The following SELP variants were observed in gnomAD, a reference collection of about 807,000 sequenced individuals.
SELP encodes P-selectin.
Under a neutral mutation model 104.1 loss-of-function variants are expected in SELP, and 92 were observed. The ratio of observed to expected loss-of-function variants is 0.88; its 90% confidence interval spans 0.75 to 1.05. The LOEUF (loss-of-function observed/expected upper bound fraction) is 1.05, where lower values mean the gene tolerates loss of function less well. Among genes scored for constraint, SELP ranks in the 50% least tolerant of loss-of-function variants. The pLI is 0.00. For missense variants in SELP, 1,022 were observed against 1,017.3 expected, an observed-to-expected ratio of 1.00 and a Z score of -0.06; for synonymous variants, 397 against 364.5, an observed-to-expected ratio of 1.09 and a Z score of -1.01.
intron 3 of SELP, among the ~76,000 whole-genome samples, chr1:169,614,428 A>G (rs1662710124): frequency 6.6e-6 from 1 of 152,178 alleles, no homozygotes; most frequent in Admixed American, 6.5e-5. Context: ...CAGAATAGAG[A>G]AGGGCCATGG....
rs1661581341 is a variant in SELP at position 169,595,925 on chromosome 1, C to T, written c.2101G>A (p.Ala701Thr). 5 of 1,613,108 alleles carry T rather than the reference C, an allele frequency of 3.1e-6. No individual in the cohort carries two copies. In the South Asian group the frequency reaches 4.4e-5, roughly 14 times the overall value. ...AACTGCCTGCTCCTTTTCACCTTACCTCTGCATGCTGGAGTTACTGCTGTC... is the reference window on the plus strand; with the variant it reads ...AACTGCCTGCTCCTTTTCACCTTACTTCTGCATGCTGGAGTTACTGCTGTC... ...QWTAVTPACR[A>T]VKCSELHVNK... The change falls in exon 12 of 17, where the codon GCT becomes ACT. Residue 701 changes from alanine to threonine, a missense_variant and splice_region_variant. Physicochemically the swap from Ala to Thr is moderately conservative, Grantham distance 58. Transcript: ENST00000263686.
At chr1:169,615,973 C>G (rs1469615226) in intron 3 of SELP, among the ~76,000 whole-genome samples, 2 of 152,124 alleles carry the variant, frequency 1.3e-5, no homozygotes, top group Non-Finnish European at 2.9e-5. Flanking sequence ...CAGTCCATAC[C>G]ATCCTTAGGC....
At chr1:169,613,458 G>A in intron 4 of SELP, 128 bp downstream of exon 4, 1 of 712,390 alleles carries the variant, frequency 1.4e-6, no homozygotes, top group Non-Finnish European at 2.5e-6. Flanking sequence ...CTGAGTGGAG[G>A]AGACAGATGA....
chr1:169,622,278 G>A lies in SELP; in HGVS notation c.4-3059C>T, dbSNP rs944107400. On this transcript the variant is annotated intron_variant, in intron 1 of 16. Transcript: ENST00000263686. ...TTTATTTCCTTTCATCAGCTTTGAG[G>A]GAGCACCCGATTAAGTTGTCAAGTC... Among the ~76,000 whole-genome samples the A allele has an allele frequency of 7.9e-5, 12 of 152,212 alleles. No homozygotes were observed. The South Asian group carries it at 2.5e-3, about 32-fold the overall frequency.
chr1:169,600,276 C>G (rs1318143912), intron 10 of SELP, among the ~76,000 whole-genome samples: 6 of 152,138 alleles, frequency 3.9e-5, no homozygotes, highest in Admixed American at 1.3e-4. Context: ...CTTGAATTTG[C>G]CATGTGCTGA....
chr1:169,597,188 A>G lies in SELP; in HGVS notation c.1706-12T>C, dbSNP rs1263264924. On this transcript the variant is annotated splice_polypyrimidine_tract_variant and intron_variant, in intron 10 of 16. Transcript: ENST00000263686. ...TGGGCACTTGATGGCTAGAGTATCAAATTAAGAGTGTCACAATCTCCAAGT... is the reference window on the plus strand; with the variant it reads ...TGGGCACTTGATGGCTAGAGTATCAGATTAAGAGTGTCACAATCTCCAAGT... The G allele has an allele frequency of 7.7e-6, 12 of 1,564,868 alleles. No homozygotes were observed. In the Admixed American group the frequency reaches 2.2e-4, roughly 29 times the overall value.
At position 169,591,458 on chromosome 1, in the gene SELP, TA is replaced by T. The variant is rs781665497; in HGVS notation, c.2408-3del. ...GATTCAAGGGGCATTTCCCATCATC[TA>T]AAATCAGCAAGAAGACAAGAATGAA... On this transcript the variant is annotated splice_region_variant and splice_polypyrimidine_tract_variant and intron_variant, in intron 14 of 16. Transcript: ENST00000263686. 2 of 1,556,866 alleles carry T rather than the reference TA, an allele frequency of 1.3e-6. No individual in the cohort carries two copies. Among genetic ancestry groups the T allele is most frequent in the South Asian group, 1.2e-5 (1 of 83,174 alleles).
In SELP at chr1:169,622,591, G is replaced by T. The variant is rs3917680; in HGVS notation, c.4-3372C>A. ...CTTTAATAGCAATTTAAATATAAAG[G>T]TTTAAGTTACTTGTCAAAACTTGCA... On this transcript the variant is annotated intron_variant, in intron 1 of 16. Coordinates refer to ENST00000263686, the MANE Select transcript of SELP (RefSeq NM_003005.4). Among the ~76,000 whole-genome samples, 1,146 of 152,194 alleles carry T rather than the reference G, an allele frequency of 7.5e-3. 16 individuals carry two copies. The highest frequency in any genetic ancestry group is 0.026 in the African/African-American group (1,085 of 41,540).
chr1:169,603,645 G>T (rs1466151840), intron 9 of SELP, among the ~76,000 whole-genome samples: 1 of 152,122 alleles, frequency 6.6e-6, no homozygotes, highest in Non-Finnish European at 1.5e-5. Context: ...AATGACAAAT[G>T]ATTGGAAACA....
chr1:169,603,336 T>A (rs954692465), intron 9 of SELP, 125 bp from the exon 10 acceptor site: 4 of 741,764 alleles, frequency 5.4e-6, no homozygotes, highest in African/African-American at 5.3e-5. Context: ...TGTGTGTGTG[T>A]GTGTGTGTGT....
intron 1 of SELP, among the ~76,000 whole-genome samples, chr1:169,629,235 G>A (rs368835101): frequency 1.5e-4 from 23 of 151,994 alleles, no homozygotes; most frequent in South Asian, 8.3e-4. Flanking sequence ...GCCTAACCAC[G>A]TGCATCTTAT....
intron 7 of SELP, 50 bp downstream of exon 7, chr1:169,611,442 G>T: frequency 6.3e-7 from 1 of 1,584,058 alleles, no homozygotes. Flanking sequence ...TCTCTACCAT[G>T]CCATGATTCC....
chr1:169,606,895 TA>T, intron 9 of SELP, 53 bp downstream of exon 9: 1 of 1,541,660 alleles, frequency 6.5e-7, no homozygotes, highest in Non-Finnish European at 8.9e-7. Context: ...ATCCAGCCTT[TA>T]AAAATACTGC....
In SELP at chr1:169,596,990, C is replaced by A. The variant is rs773302742; in HGVS notation, c.1891+1G>T. Reference sequence around the variant, plus strand: ...CTGTCTTAGCAAGTACATATTATTACCTTTGCAGGTTGGTGGAGTAGCTGA... The same window carrying A: ...CTGTCTTAGCAAGTACATATTATTAACTTTGCAGGTTGGTGGAGTAGCTGA... On this transcript the variant is annotated splice_donor_variant, in intron 11 of 16. Transcript: ENST00000263686. LOFTEE classifies it high-confidence loss of function. 1.9e-6 allele frequency: 3 copies of A among 1,608,432 alleles called. No homozygotes were observed. Among genetic ancestry groups the A allele is most frequent in the Admixed American group, 3.4e-5 (2 of 59,516 alleles).
intron 11 of SELP, 109 bp from the exon 12 acceptor site, chr1:169,596,243 GGCTCC>G: frequency 8.3e-6 from 8 of 958,208 alleles, no homozygotes; most frequent in Non-Finnish European, 1.3e-5. Flanking sequence ...TAACAAGGGA[GGCTCC>G]TGCAAGAGCT....
chr1:169,605,583 T>G (rs1217919113), intron 9 of SELP, among the ~76,000 whole-genome samples: 2 of 152,090 alleles, frequency 1.3e-5, no homozygotes, highest in African/African-American at 4.8e-5. Flanking sequence ...CCACTTTCAC[T>G]CAAATGTTGA....
rs745515214 is a variant in SELP, at chr1:169,594,816, C to G, written c.2163G>C (p.Trp721Cys). The G allele has an allele frequency of 6.2e-7, 1 of 1,613,748 alleles. No individual in the cohort carries two copies. The highest frequency in any genetic ancestry group is 8.5e-7 in the Non-Finnish European group (1 of 1,179,780). The change falls in exon 13 of 17, where the codon TGG becomes TGC. Residue 721 changes from tryptophan (W) to cysteine (C), a missense_variant. Coordinates refer to ENST00000263686, the MANE Select transcript of SELP (RefSeq NM_003005.4). The stretch of plus-strand genomic sequence containing the variant: ...AGATTGATCCATAACTGAAGTTTCC[C>G]CAGAGGTTGGAGCAGTTCATCGCTA... ...KPIAMNCSNLWGNFSYGSICS... is the reference protein window; with the variant it reads ...KPIAMNCSNLCGNFSYGSICS...
intron 8 of SELP, among the ~76,000 whole-genome samples, chr1:169,608,398 T>C (rs1237678577): frequency 2.0e-5 from 3 of 152,122 alleles, no homozygotes; most frequent in African/African-American, 7.2e-5. Context: ...CAACCTCCGT[T>C]CTACTTTCTG....
intron 1 of SELP, among the ~76,000 whole-genome samples, chr1:169,627,431 A>G (rs1239835906): frequency 6.6e-6 from 1 of 152,268 alleles, no homozygotes; most frequent in African/African-American, 2.4e-5. Context: ...TATTAGCATT[A>G]AAAATAAAGT....
Sources: allele counts gnomAD v4.1 joint callset (sites outside exome capture counted in the v4.1 genomes callset), GRCh38; gene constraint gnomAD v4.1.1; transcripts MANE v1.5; gene names NCBI Gene and HGNC (gene_info 2026-07-23, HGNC 2026-07-21).